The following LSAMP variants were observed in gnomAD, a reference collection of about 807,000 sequenced individuals.
The protein encoded by LSAMP is limbic system-associated membrane protein.
A neutral mutation model predicts 38.6 loss-of-function variants in LSAMP; 7 were observed. The ratio of observed to expected loss-of-function variants is 0.18; its 90% CI spans 0.10 to 0.34. The LOEUF (loss-of-function observed/expected upper bound fraction) is 0.34, where lower values mean the gene tolerates loss of function less well. Among genes scored for constraint, LSAMP ranks in the 10% least tolerant of loss-of-function variants. LSAMP has a pLI of 1.00. For synonymous variants in LSAMP, 154 were observed against 166.8 expected, an observed-to-expected ratio of 0.92 and a Z score of 0.59; for missense variants, 313 against 420.0, an observed-to-expected ratio of 0.75 and a Z score of 2.23.
intron 1 of LSAMP, among the ~76,000 whole-genome samples, chr3:116,354,800 T>C (rs1047516953): frequency 6.6e-6 from 1 of 151,886 alleles, no homozygotes; most frequent in African/African-American, 2.4e-5. Context: ...TCAAAGACTT[T>C]AAAACTACAT....
chr3:115,893,353 C>A (rs187446011), intron 3 of LSAMP, among the ~76,000 whole-genome samples: 93 of 151,994 alleles, frequency 6.1e-4, no homozygotes, highest in Non-Finnish European at 1.1e-3. Flanking sequence ...AGAACTCTGA[C>A]GACAAACTGG....
chr3:115,912,659 TTTTG>T lies in LSAMP; in HGVS notation c.515-60046_515-60043del, dbSNP rs572578851. On this transcript the variant is annotated intron_variant, in intron 3 of 6. Transcript: ENST00000490035. ...CTGGCACGAGTGGAGTTGTAGCCAGTTTTGTTTGTTTGTTTGTTTTCCCCTGTGG... is the reference window on the plus strand; with the variant it reads ...CTGGCACGAGTGGAGTTGTAGCCAGTTTTGTTTGTTTGTTTTCCCCTGTGG... Among the ~76,000 whole-genome samples, 206 of 152,280 alleles carry T rather than the reference TTTTG, an allele frequency of 1.4e-3. 2 individuals are homozygous for T. The Middle Eastern group carries it at 0.014, about 10-fold the overall frequency.
At chr3:116,301,787 T>C (rs931721891) in intron 1 of LSAMP, among the ~76,000 whole-genome samples, 2 of 152,190 alleles carry the variant, frequency 1.3e-5, no homozygotes, top group African/African-American at 4.8e-5. Context: ...CTTATAAAGA[T>C]AATAGTTTTT....
At chr3:116,022,800 T>C (rs1192212916) in intron 2 of LSAMP, among the ~76,000 whole-genome samples, 3 of 152,220 alleles carry the variant, frequency 2.0e-5, no homozygotes, top group African/African-American at 7.2e-5. Flanking sequence ...ATATTTTTCA[T>C]GATTGTTATA....
chr3:116,371,998 T>A (rs2048436328), intron 1 of LSAMP, among the ~76,000 whole-genome samples: 1 of 152,012 alleles, frequency 6.6e-6, no homozygotes, highest in Admixed American at 6.6e-5. Context: ...CAATAAAAAC[T>A]ATAAAACATT....
intron 3 of LSAMP, among the ~76,000 whole-genome samples, chr3:115,927,689 C>T (rs553478319): frequency 7.9e-5 from 12 of 152,132 alleles, no homozygotes; most frequent in African/African-American, 1.9e-4. Context: ...TTAAACATGC[C>T]GGGCATATGC....
In LSAMP at chr3:116,444,897, C is replaced by T. The variant is rs769467952; in HGVS notation, c.135G>A (p.Gln45=). ...CCTACCTGAGGATGGCTGTGTCCCC[C>T]TGCCTCACGGTGATGTTGTCCGTGC... is the stretch of plus-strand genomic sequence containing the variant. ...NRGTDNITVR[Q]GDTAILRCVV... The change falls in exon 1 of 7, where the codon CAG becomes CAA. Residue 45 remains glutamine, a synonymous_variant. Transcript: ENST00000490035. 1 of 1,614,156 alleles carries T rather than the reference C, an allele frequency of 6.2e-7. No homozygotes were observed. The highest frequency in any genetic ancestry group is 1.1e-5 in the South Asian group (1 of 91,084).
chr3:116,271,091 G>A (rs1037391817), intron 1 of LSAMP, among the ~76,000 whole-genome samples: 1 of 152,064 alleles, frequency 6.6e-6, no homozygotes, highest in African/African-American at 2.4e-5. Flanking sequence ...ATGTTGCCAT[G>A]GTTCCACTCT....
At chr3:116,181,535 G>A (rs1358920953) in intron 1 of LSAMP, among the ~76,000 whole-genome samples, 1 of 152,014 alleles carries the variant, frequency 6.6e-6, no homozygotes, top group African/African-American at 2.4e-5. Flanking sequence ...ATTTCCTAAG[G>A]AGGCACATCA....
intron 1 of LSAMP, among the ~76,000 whole-genome samples, chr3:116,268,718 T>G (rs1380380333): frequency 1.3e-5 from 2 of 150,902 alleles, no homozygotes; most frequent in African/African-American, 4.9e-5. Flanking sequence ...TTTAAAAATT[T>G]TACTCTTATA....
intron 3 of LSAMP, among the ~76,000 whole-genome samples, chr3:115,876,902 T>C (rs1936194996): frequency 6.6e-6 from 1 of 152,122 alleles, no homozygotes; most frequent in Admixed American, 6.6e-5. Context: ...TTCTTTCTTC[T>C]TATAGTTTTT....
intron 3 of LSAMP, among the ~76,000 whole-genome samples, chr3:115,981,102 G>A (rs746093313): frequency 1.3e-5 from 2 of 152,052 alleles, no homozygotes; most frequent in Non-Finnish European, 2.9e-5. Flanking sequence ...TGGCATTCAT[G>A]GTGTGAAATG....
At chr3:116,222,118 C>T (rs975758218) in intron 1 of LSAMP, among the ~76,000 whole-genome samples, 4 of 151,910 alleles carry the variant, frequency 2.6e-5, no homozygotes, top group South Asian at 2.1e-4. Flanking sequence ...CCTACTGATC[C>T]GGGTTCTAAT....
intron 1 of LSAMP, among the ~76,000 whole-genome samples, chr3:116,204,641 C>T (rs943981687): frequency 6.6e-6 from 1 of 152,044 alleles, no homozygotes; most frequent in Non-Finnish European, 1.5e-5. Context: ...TTTCCCAGCA[C>T]CATTTATTAA....
chr3:116,069,109 CCACA>C (rs1009679694), intron 2 of LSAMP, among the ~76,000 whole-genome samples: 12 of 152,158 alleles, frequency 7.9e-5, no homozygotes, highest in African/African-American at 2.9e-4. Flanking sequence ...CTTAGAATAT[CCACA>C]CACACCAAAA....
At chr3:115,995,559 A>C (rs1939791652) in intron 3 of LSAMP, among the ~76,000 whole-genome samples, 1 of 152,124 alleles carries the variant, frequency 6.6e-6, no homozygotes, top group Admixed American at 6.6e-5. Context: ...AAAAAACTGC[A>C]TACATTTCAG....
intron 1 of LSAMP, among the ~76,000 whole-genome samples, chr3:116,440,578 T>A (rs1018146019): frequency 1.3e-5 from 2 of 152,192 alleles, no homozygotes; most frequent in African/African-American, 2.4e-5. Context: ...CTTGCGAGAT[T>A]TGCCCACTCT....
At chr3:115,817,474 T>A (rs574265615) in intron 6 of LSAMP, among the ~76,000 whole-genome samples, 1 of 152,294 alleles carries the variant, frequency 6.6e-6, no homozygotes, top group Admixed American at 6.5e-5. Flanking sequence ...TATAAATAAG[T>A]CTCAGGGTCG....
At chr3:116,011,962 G>A (rs1392134860) in intron 3 of LSAMP, among the ~76,000 whole-genome samples, 1 of 152,138 alleles carries the variant, frequency 6.6e-6, no homozygotes, top group Non-Finnish European at 1.5e-5. Context: ...CATCTCACGA[G>A]GGATATTGGA....
Sources: gnomAD v4.1 joint callset for allele counts (sites outside exome capture counted in the v4.1 genomes callset) on GRCh38, gnomAD v4.1.1 for gene constraint, MANE v1.5 for transcripts, NCBI Gene and HGNC (gene_info 2026-07-23, HGNC 2026-07-21) for gene names.